POU2F1: variants seen among roughly 807,000 people sequenced by gnomAD.
The protein encoded by POU2F1 is POU domain, class 2, transcription factor 1.
A neutral mutation model predicts 84.9 loss-of-function variants in POU2F1; 16 were observed. The ratio of observed to expected loss-of-function variants is 0.19; its 90% CI spans 0.13 to 0.29. The LOEUF (loss-of-function observed/expected upper bound fraction) is 0.29, where lower values mean the gene tolerates loss of function less well. Ranked by LOEUF, POU2F1 falls within the 10% of genes least tolerant of loss-of-function variation. The pLI is 1.00. For missense variants in POU2F1, 738 were observed against 942.6 expected (o/e 0.78, Z 2.84); for synonymous variants, 368 against 368.3 (o/e 1.00, Z 0.01).
At chr1:167,396,255 C>G (rs747007474) in intron 9 of POU2F1, 31 bp from the exon 10 acceptor site, 13 of 1,609,642 alleles carry the variant, frequency 8.1e-6, no homozygotes, top group African/African-American at 5.3e-5. Flanking sequence ...TGTCTTTCCT[C>G]TCCTCTTCTC....
intron 1 of POU2F1, among the ~76,000 whole-genome samples, chr1:167,255,038 A>G (rs1023027929): frequency 6.6e-6 from 1 of 152,176 alleles, no homozygotes; most frequent in African/African-American, 2.4e-5. Flanking sequence ...CCCCAAATCT[A>G]GGAGATTCTT....
At chr1:167,356,862 C>T (rs1658972706) in intron 2 of POU2F1, among the ~76,000 whole-genome samples, 2 of 152,188 alleles carry the variant, frequency 1.3e-5, no homozygotes, top group Non-Finnish European at 2.9e-5. Context: ...ATGTGTAGTG[C>T]CCTCCTTACC....
At chr1:167,315,865 G>A (rs1003152121) in intron 1 of POU2F1, among the ~76,000 whole-genome samples, 3 of 151,212 alleles carry the variant, frequency 2.0e-5, no homozygotes, top group South Asian at 2.1e-4. Context: ...TCCATACCAT[G>A]GAATACTTAA....
At chr1:167,369,712 T>C (rs1276449773) in intron 3 of POU2F1, among the ~76,000 whole-genome samples, 1 of 152,206 alleles carries the variant, frequency 6.6e-6, no homozygotes, top group East Asian at 1.9e-4. Flanking sequence ...ATTTCTACTC[T>C]GGTGTATACA....
At chr1:167,394,485 TAAAC>T (rs979606001) in intron 9 of POU2F1, among the ~76,000 whole-genome samples, 11 of 152,194 alleles carry the variant, frequency 7.2e-5, no homozygotes, top group African/African-American at 2.7e-4. Context: ...ATGAAATCAA[TAAAC>T]AGTCTACTTC....
In POU2F1 at chr1:167,374,299, G is replaced by A. The variant is rs1431707097; in HGVS notation, c.591+3G>A. On this transcript the variant is annotated splice_donor_region_variant and intron_variant, in intron 6 of 15. Coordinates refer to ENST00000367866, the MANE Select transcript of POU2F1 (RefSeq NM_002697.4). ...CTCAGCCCATACAGATCGCACAGGT[G>A]AGTGAGGAACTCCAATAGCTGGGGC... is the stretch of plus-strand genomic sequence containing the variant. 1 of 1,566,296 alleles carries A rather than the reference G, an allele frequency of 6.4e-7. No homozygotes were observed. Among genetic ancestry groups the A allele is most frequent in the East Asian group, 2.3e-5 (1 of 44,174 alleles).
chr1:167,348,316 A>G (rs113570559), intron 2 of POU2F1, among the ~76,000 whole-genome samples: 1 of 152,310 alleles, frequency 6.6e-6, no homozygotes, highest in African/African-American at 2.4e-5. Context: ...GCTGATGGAA[A>G]TGTCTTTATA....
chr1:167,386,844 T>A (rs182354478), intron 8 of POU2F1, among the ~76,000 whole-genome samples: 2 of 152,138 alleles, frequency 1.3e-5, no homozygotes, highest in East Asian at 3.9e-4. Context: ...ATAAAACATA[T>A]TAGTGGTTGC....
At chr1:167,264,893 T>C (rs1651832453) in intron 1 of POU2F1, among the ~76,000 whole-genome samples, 1 of 152,142 alleles carries the variant, frequency 6.6e-6, no homozygotes, top group South Asian at 2.1e-4. Flanking sequence ...CGAGACATGC[T>C]CCCACCTCAG....
chr1:167,387,389 C>A (rs1474366536), intron 8 of POU2F1: 1 of 355,978 alleles, frequency 2.8e-6, no homozygotes, highest in African/African-American at 2.1e-5. Flanking sequence ...ACATAGGGGT[C>A]TGCTATGGTT....
At chr1:167,253,338 A>AT (rs1446907011) in intron 1 of POU2F1, among the ~76,000 whole-genome samples, 3 of 137,880 alleles carry the variant, frequency 2.2e-5, no homozygotes, top group African/African-American at 5.9e-5. Flanking sequence ...ACAAGATGTC[A>AT]TTTTTTCCTA....
At chr1:167,344,879 G>A (rs868627376) in intron 2 of POU2F1, among the ~76,000 whole-genome samples, 5 of 152,290 alleles carry the variant, frequency 3.3e-5, no homozygotes, top group Middle Eastern at 6.8e-3. Flanking sequence ...AGATGATGCA[G>A]CCATAAAAAG....
In POU2F1 at chr1:167,287,613, T is replaced by C. The variant is rs1653625447; in HGVS notation, c.62-44857T>C. On this transcript the variant is annotated intron_variant, in intron 1 of 15. Coordinates refer to ENST00000367866, the MANE Select transcript of POU2F1 (RefSeq NM_002697.4). ...AGTACTGCTTTGTTTTCTCTGAGTC[T>C]CTTTTCTCTGAGATGAAAAATGCAA... Among the ~76,000 whole-genome samples, 3 of 152,214 alleles carry C rather than the reference T, an allele frequency of 2.0e-5. No homozygotes were observed. The South Asian group carries it at 6.2e-4, about 32-fold the overall frequency.
chr1:167,335,331 A>AC (rs1657373002), intron 2 of POU2F1, among the ~76,000 whole-genome samples: 1 of 152,198 alleles, frequency 6.6e-6, no homozygotes, highest in Non-Finnish European at 1.5e-5. Flanking sequence ...GAAAAGTGCC[A>AC]TAGTGGTGTT....
intron 3 of POU2F1, 63 bp downstream of exon 3, chr1:167,365,630 T>G: frequency 8.3e-7 from 1 of 1,203,876 alleles, no homozygotes; most frequent in Non-Finnish European, 1.2e-6. Flanking sequence ...TACTGGGGCC[T>G]GAGGAAGTTA....
chr1:167,371,966 C>T lies in POU2F1; in HGVS notation c.332C>T (p.Ser111Phe). Residue 111 changes from serine (S) to phenylalanine (F), a missense_variant, in exon 5 of 16, where the codon TCC (serine) becomes TTC (phenylalanine). Ser to Phe is a radical substitution (Grantham distance 155). This residue lies in a region of POU2F1 where 161 missense variants were observed against 147.0 expected (regional missense o/e 1.10). Transcript: ENST00000367866. ...SGDSQQPSQP[S>F]QQPSVQAAIP... ...GATTCGCAGCAGCCAAGCCAGCCTT[C>T]CCAGCAGCCTTCAGTGCAGGCAGCC... 3 of 1,614,188 alleles carry T rather than the reference C, an allele frequency of 1.9e-6. No homozygotes were observed. Among genetic ancestry groups the T allele is most frequent in the Admixed American group, 1.7e-5 (1 of 60,026 alleles).
intron 1 of POU2F1, among the ~76,000 whole-genome samples, chr1:167,307,594 C>T (rs1029011244): frequency 1.6e-4 from 24 of 151,996 alleles, no homozygotes; most frequent in Non-Finnish European, 3.5e-4. Context: ...GCAAACAACT[C>T]ATCCTGGAAC....
intron 13 of POU2F1, 118 bp from the exon 14 acceptor site, chr1:167,411,841 C>T: frequency 3.2e-6 from 3 of 927,110 alleles, no homozygotes; most frequent in South Asian, 3.6e-5. Flanking sequence ...TATTAAAGGA[C>T]AGCTTTACTA....
At chr1:167,229,527 C>G (rs922832012) in intron 1 of POU2F1, among the ~76,000 whole-genome samples, 2 of 152,138 alleles carry the variant, frequency 1.3e-5, no homozygotes, top group Admixed American at 1.3e-4. Flanking sequence ...GTTGTAAATT[C>G]TAGATATCTC....
Sources: gnomAD v4.1 joint callset for allele counts (sites outside exome capture counted in the v4.1 genomes callset) on GRCh38, gnomAD v4.1.1 for gene constraint, gnomAD v4.1.1 regional missense constraint, MANE v1.5 for transcripts, NCBI Gene and HGNC (gene_info 2026-07-23, HGNC 2026-07-21) for gene names.